The following TNIP3 variants were observed in gnomAD, a reference collection of about 807,000 sequenced individuals.
The protein encoded by TNIP3 is TNFAIP3-interacting protein 3.
Under a neutral mutation model 54.1 loss-of-function variants are expected in TNIP3, and 34 were observed. The ratio of observed to expected loss-of-function variants is 0.63; its 90% CI spans 0.48 to 0.84. The LOEUF (loss-of-function observed/expected upper bound fraction) is 0.84, where lower values mean the gene tolerates loss of function less well. Among genes scored for constraint, TNIP3 ranks in the 40% least tolerant of loss-of-function variants. The pLI, the probability that TNIP3 is intolerant of heterozygous loss-of-function variation, is 0.00. For missense variants in TNIP3, 366 were observed against 387.6 expected, an observed-to-expected ratio of 0.94 and a Z score of 0.47; for synonymous variants, 134 against 136.8, an observed-to-expected ratio of 0.98 and a Z score of 0.14.
At chr4:121,186,195 G>C (rs530293805) in intron 2 of TNIP3, among the ~76,000 whole-genome samples, 17 of 152,312 alleles carry the variant, frequency 1.1e-4, no homozygotes, top group African/African-American at 4.1e-4. Flanking sequence ...TGGCAGCAAA[G>C]AAAAAGAGAA....
At chr4:121,157,265 A>T (rs1459552509) in intron 3 of TNIP3, 22 bp from the exon 4 acceptor site, 41 of 1,614,020 alleles carry the variant, frequency 2.5e-5, no homozygotes, top group Admixed American at 5.0e-5. Context: ...GTTCAAAGAC[A>T]GCTGCAGATA....
upstream of TNIP3, among the ~76,000 whole-genome samples, chr4:121,167,821 G>A (rs988712336): frequency 4.6e-5 from 7 of 152,068 alleles, no homozygotes; most frequent in African/African-American, 1.7e-4. Context: ...TTAGCACTCA[G>A]TTCACCAGGG....
intron 3 of TNIP3, among the ~76,000 whole-genome samples, chr4:121,176,471 C>G (rs1412409346): frequency 6.6e-6 from 1 of 151,342 alleles, no homozygotes; most frequent in African/African-American, 2.4e-5. Context: ...TATGAGAAAA[C>G]CATTAAAGAA....
intron 3 of TNIP3, among the ~76,000 whole-genome samples, chr4:121,171,095 C>T (rs1186980979): frequency 2.6e-5 from 4 of 152,052 alleles, no homozygotes; most frequent in Non-Finnish European, 4.4e-5. Flanking sequence ...AGATCACAGG[C>T]GTGAGCCACC....
chr4:121,149,199 G>A (rs1262443546), intron 6 of TNIP3, among the ~76,000 whole-genome samples: 1 of 152,210 alleles, frequency 6.6e-6, no homozygotes, highest in Non-Finnish European at 1.5e-5. Flanking sequence ...TGTAGAGAGT[G>A]CATCCTTACT....
chr4:121,166,419 C>T (rs116723026), upstream of TNIP3, among the ~76,000 whole-genome samples: 848 of 152,322 alleles, frequency 5.6e-3, 12 homozygotes, highest in African/African-American at 0.02. Flanking sequence ...CTCCATCCCT[C>T]TCACATTGTG....
chr4:121,137,921 A>G (rs1390579402), intron 10 of TNIP3: 2 of 456,042 alleles, frequency 4.4e-6, no homozygotes, highest in African/African-American at 4.0e-5. Flanking sequence ...TGATGAGAAT[A>G]GAAGTGGGAT....
upstream of TNIP3, among the ~76,000 whole-genome samples, chr4:121,165,303 C>T (rs1730699535): frequency 2.0e-5 from 3 of 152,120 alleles, no homozygotes; most frequent in South Asian, 4.2e-4. Flanking sequence ...TCCTGACTGA[C>T]CTCCCTTTCC....
rs114061668 is a variant in TNIP3 at position 121,175,378 on chromosome 4, A to G, written c.189+7298T>C. On this transcript the variant is annotated intron_variant, in intron 3 of 12. Transcript: ENST00000507879. ...TTTGTAGGGTTCTAGGAAGACTTAT[A>G]TTCTTCTAATTAACATTTATAATTT... Among the ~76,000 whole-genome samples the G allele has an allele frequency of 8.1e-3, 1,229 of 152,260 alleles. 14 individuals are homozygous for G. The highest frequency in any genetic ancestry group is 0.029 in the African/African-American group (1,187 of 41,544).
chr4:121,151,021 TG>T (rs1288323392), intron 5 of TNIP3, among the ~76,000 whole-genome samples: 2 of 152,256 alleles, frequency 1.3e-5, no homozygotes, highest in African/African-American at 4.8e-5. Flanking sequence ...TAGCTCATGA[TG>T]GGCATATCAT....
chr4:121,188,349 A>C (rs1725129550), intron 2 of TNIP3, among the ~76,000 whole-genome samples: 1 of 152,142 alleles, frequency 6.6e-6, no homozygotes, highest in Non-Finnish European at 1.5e-5. Context: ...ATTATTGTGA[A>C]CTGTTTTTCC....
intron 1 of TNIP3, among the ~76,000 whole-genome samples, 170 bp downstream of exon 1, chr4:121,163,890 T>C (rs1730605830): frequency 6.6e-6 from 1 of 152,194 alleles, no homozygotes; most frequent in African/African-American, 2.4e-5. Context: ...TACTGGTTAC[T>C]TAGATATTTT....
intron 3 of TNIP3, among the ~76,000 whole-genome samples, chr4:121,170,484 G>T (rs562580179): frequency 6.6e-6 from 1 of 152,058 alleles, no homozygotes; most frequent in Non-Finnish European, 1.5e-5. Context: ...GCCTGTTTCC[G>T]TGTATTTTCT....
At chr4:121,134,071 T>C (rs1728636138) in intron 10 of TNIP3, among the ~76,000 whole-genome samples, 1 of 152,210 alleles carries the variant, frequency 6.6e-6, no homozygotes, top group East Asian at 1.9e-4. Flanking sequence ...AGGAGACAAA[T>C]CCAGTCAGTA....
upstream of TNIP3, among the ~76,000 whole-genome samples, chr4:121,166,434 A>G (rs760464288): frequency 6.6e-6 from 1 of 152,208 alleles, no homozygotes; most frequent in African/African-American, 2.4e-5. Context: ...ATTGTGCCAC[A>G]TATTTTAAGA....
At chr4:121,137,916 A>G (rs186293929) in intron 10 of TNIP3, 65 of 455,946 alleles carry the variant, frequency 1.4e-4, no homozygotes, top group Admixed American at 6.3e-4. Context: ...ATACTTGATG[A>G]GAATAGAAGT....
chr4:121,139,666 C>T (rs1251644611), intron 9 of TNIP3, among the ~76,000 whole-genome samples: 1 of 152,216 alleles, frequency 6.6e-6, no homozygotes, highest in African/African-American at 2.4e-5. Flanking sequence ...CAATAAGACA[C>T]TGAGAAATGC....
chr4:121,153,668 A>G (rs1729898677), intron 5 of TNIP3, among the ~76,000 whole-genome samples: 1 of 152,210 alleles, frequency 6.6e-6, no homozygotes, highest in South Asian at 2.1e-4. Flanking sequence ...CATCCTATCA[A>G]CTATGCAGGC....
rs147321197 is a variant in TNIP3, at chr4:121,170,824, T to G, written c.190-6678A>C. On this transcript the variant is annotated intron_variant, in intron 3 of 12. Transcript: ENST00000507879. ...TTTCTTTGCTCGGTAAGAGATATCT[T>G]TTTTTTTTAAAGAAGGAATCTTGCT... is the stretch of plus-strand genomic sequence containing the variant. Among the ~76,000 whole-genome samples the G allele has an allele frequency of 2.7e-4, 41 of 150,920 alleles. 1 individual carries two copies. In the East Asian group the frequency reaches 8.0e-3, roughly 29 times the overall value.
Sources: gnomAD v4.1 joint callset for allele counts (sites outside exome capture counted in the v4.1 genomes callset) on GRCh38, gnomAD v4.1.1 for gene constraint, MANE v1.5 for transcripts, NCBI Gene and HGNC (gene_info 2026-07-23, HGNC 2026-07-21) for gene names.